DIPK1B: variants seen among roughly 807,000 people sequenced by gnomAD.
DIPK1B encodes the protein divergent protein kinase domain 1B, also known as family with sequence similarity 69 member B.
A neutral mutation model predicts 20.7 loss-of-function variants in DIPK1B; 17 were observed. The ratio of observed to expected loss-of-function variants is 0.82; its 90% CI spans 0.56 to 1.23. The LOEUF (loss-of-function observed/expected upper bound fraction) is 1.23, where lower values mean the gene tolerates loss of function less well. DIPK1B is among the 50% of genes most tolerant of loss of function. The probability of loss-of-function intolerance (pLI) is 0.00; values close to 1 mark genes in which losing one functional copy is unlikely to be tolerated. For missense variants in DIPK1B, 648 were observed against 601.8 expected, an observed-to-expected ratio of 1.08 and a Z score of -0.80; for synonymous variants, 343 against 276.5, an observed-to-expected ratio of 1.24 and a Z score of -2.39.
chr9:136,712,838 G>A lies in DIPK1B; in HGVS notation c.63+110G>A. ...CGGGGCCCCGGGTTCGGACACGAAG[G>A]GTTCATGAGCCCGGGGTGGGCAGCG... On this transcript the variant is annotated intron_variant, in intron 1 of 4. Coordinates refer to ENST00000371692, the MANE Select transcript of DIPK1B (RefSeq NM_152421.4). This position sits in a 1 kb window ranked among gnomAD's most constrained non-coding sequence, Gnocchi z 5.6. 2 of 654,736 alleles carry A rather than the reference G, an allele frequency of 3.1e-6. No homozygotes were observed. The highest frequency in any genetic ancestry group is 2.1e-6 in the Non-Finnish European group (1 of 477,634). The allele number at this position is 654,736 out of a possible 1,614,324, so 40.6% of individuals were successfully genotyped here. A position where few individuals can be genotyped will look rare whatever the true frequency, so the allele number is the denominator to read the frequency against.
chr9:136,721,926 C>T lies in DIPK1B; in HGVS notation c.204C>T (p.Asp68=), dbSNP rs1846607967. 1.2e-6 allele frequency: 2 copies of T among 1,613,132 alleles called. No individual in the cohort carries two copies. The highest frequency in any genetic ancestry group is 1.3e-5 in the African/African-American group (1 of 74,914). ...RGHVCQVVIC[D]QYRKGIISGS... ...GCCTGCACCTGTCTCCTCAGTGTGA[C>T]CAGTACCGCAAGGGGATCATCTCGG... The change falls in exon 3 of 5, where the codon GAC becomes GAT. Residue 68 remains aspartate, a synonymous_variant. Coordinates refer to ENST00000371692, the MANE Select transcript of DIPK1B (RefSeq NM_152421.4).
chr9:136,724,225 C>A lies in DIPK1B; in HGVS notation c.*451C>A, dbSNP rs1229645810. Among the ~76,000 whole-genome samples, 1 of 152,306 alleles carries A rather than the reference C, an allele frequency of 6.6e-6. No individual in the cohort carries two copies. The highest frequency in any genetic ancestry group is 1.9e-4 in the East Asian group (1 of 5,188). ...AGCTGCCTGCCCTTCAACCCACACA[C>A]ACCTCTGAAGCCGCCAGGGCAGTTC... is the stretch of plus-strand genomic sequence containing the variant. On this transcript the variant is annotated 3_prime_UTR_variant, in exon 5 of 5. Coordinates refer to ENST00000371692, the MANE Select transcript of DIPK1B (RefSeq NM_152421.4).
chr9:136,719,133 G>A (rs543053721), intron 2 of DIPK1B, among the ~76,000 whole-genome samples: 8 of 151,470 alleles, frequency 5.3e-5, no homozygotes, highest in East Asian at 3.9e-4. Context: ...CCGGACCTCC[G>A]GGCCGGGATG....
At chr9:136,714,276 G>A (rs973936997) in intron 1 of DIPK1B, among the ~76,000 whole-genome samples, 1 of 152,216 alleles carries the variant, frequency 6.6e-6, no homozygotes, top group Non-Finnish European at 1.5e-5. Flanking sequence ...GCAGTGAGCT[G>A]TGACTGGACC....
chr9:136,717,508 G>A, intron 1 of DIPK1B, 69 bp from the exon 2 acceptor site: 2 of 1,547,422 alleles, frequency 1.3e-6, no homozygotes, highest in Non-Finnish European at 1.7e-6. Flanking sequence ...CCTGTGGGAA[G>A]TGGGGTTGAG....
rs894904352 is a variant in DIPK1B, at chr9:136,712,595, G to GCGGGC, written c.-56_-52dup. On this transcript the variant is annotated 5_prime_UTR_variant, in exon 1 of 5. An upstream open reading frame in the 5' UTR loses its in-frame stop. Coordinates refer to ENST00000371692, the MANE Select transcript of DIPK1B (RefSeq NM_152421.4). The surrounding 1 kb of genome is among the most constrained non-coding windows in gnomAD (Gnocchi z 5.6). ...GCATGGCGAGGGAGCGGCGGCCGCTGCGGGCCGGGCCGGGCCGGGGCTGAG... is the reference window on the plus strand; with the variant it reads ...GCATGGCGAGGGAGCGGCGGCCGCTGCGGGCCGGGCCGGGCCGGGCCGGGGCTGAG... 80 of 733,646 alleles carry GCGGGC rather than the reference G, an allele frequency of 1.1e-4. No individual in the cohort carries two copies. The highest frequency in any genetic ancestry group is 1.1e-3 in the East Asian group (8 of 7,606). The allele number at this position is 733,646 out of a possible 1,614,324, so 45.4% of individuals were successfully genotyped here.
At chr9:136,715,708 T>A (rs1846487183) in intron 1 of DIPK1B, among the ~76,000 whole-genome samples, 1 of 151,434 alleles carries the variant, frequency 6.6e-6, no homozygotes, top group African/African-American at 2.4e-5. Context: ...GGGATGGCGT[T>A]CCTCCCTGTT....
At position 136,712,804 on chromosome 9, in the gene DIPK1B, A is replaced by G. The variant is rs1007256786; in HGVS notation, c.63+76A>G. On this transcript the variant is annotated intron_variant, in intron 1 of 4. Transcript: ENST00000371692. The surrounding 1 kb of genome is among the most constrained non-coding windows in gnomAD (Gnocchi z 5.6). ...CGAGCTCCAGCCCCGGAGTGGGCCG[A>G]GTACGGAGCGGGGCCCCGGGTTCGG... 5.5e-6 allele frequency: 6 copies of G among 1,093,988 alleles called. No homozygotes were observed. The highest frequency in any genetic ancestry group is 7.0e-6 in the Non-Finnish European group (6 of 859,424). 67.8% of individuals were successfully genotyped at this position (1,093,988 alleles called of 1,614,324 possible).
intron 2 of DIPK1B, chr9:136,721,034 G>A (rs1364795602): frequency 6.6e-6 from 1 of 152,316 alleles, no homozygotes; most frequent in Admixed American, 6.5e-5. Flanking sequence ...TGGGCATCAG[G>A]ATCTGTCGTG....
At position 136,723,215 on chromosome 9, in the gene DIPK1B, C is replaced by T. The variant is rs761653967; in HGVS notation, c.737C>T (p.Pro246Leu). 4.3e-6 allele frequency: 7 copies of T among 1,612,164 alleles called. No homozygotes were observed. The highest frequency in any genetic ancestry group is 2.7e-5 in the African/African-American group (2 of 74,934). The part of the protein sequence containing the change: ...HGAWHAAALP[P>L]LLRPLLPPAL... ...GCCTGGCACGCGGCCGCCCTTCCAC[C>T]CCTGTTGCGCCCACTGCTGCCGCCT... Residue 246 changes from proline (P) to leucine (L), a missense_variant, in exon 5 of 5, where the codon CCC (proline) becomes CTC (leucine). Pro to Leu is a moderately conservative substitution (Grantham distance 98). Coordinates refer to ENST00000371692, the MANE Select transcript of DIPK1B (RefSeq NM_152421.4).
chr9:136,722,631 G>A, intron 4 of DIPK1B: 1 of 563,348 alleles, frequency 1.8e-6, no homozygotes. Context: ...GCTTCAGCCA[G>A]TGCGTGCCCT....
At chr9:136,713,382 C>T (rs1006440362) in intron 1 of DIPK1B, among the ~76,000 whole-genome samples, 8 of 152,208 alleles carry the variant, frequency 5.3e-5, no homozygotes, top group Admixed American at 1.3e-4. Flanking sequence ...CTGCCGGAGG[C>T]GCCAGTCCTG....
chr9:136,721,814 C>T (rs759836130), intron 2 of DIPK1B, 107 bp from the exon 3 acceptor site: 4 of 960,116 alleles, frequency 4.2e-6, no homozygotes, highest in Non-Finnish European at 6.3e-6. Flanking sequence ...GGCAGCTTTC[C>T]AACTGCAGCA....
chr9:136,723,301 G>T lies in DIPK1B; in HGVS notation c.823G>T (p.Ala275Ser). ...GPAWPWRAKI[A>S]IGLLEFVEEL... ...TGCGTGGCCTTGGCGGGCCAAGATC[G>T]CCATCGGCCTGCTGGAGTTCGTGGA... The change falls in exon 5 of 5, where the codon GCC becomes TCC. Residue 275 changes from alanine to serine, a missense_variant. Physicochemically the swap from Ala to Ser is moderately conservative, Grantham distance 99. Transcript: ENST00000371692. 1 of 1,612,662 alleles carries T rather than the reference G, an allele frequency of 6.2e-7. No homozygotes were observed. Among genetic ancestry groups the T allele is most frequent in the Non-Finnish European group, 8.5e-7 (1 of 1,179,834 alleles).
In DIPK1B at chr9:136,722,205, G is replaced by C; in HGVS notation, c.387G>C (p.Ser129=). The stretch of plus-strand genomic sequence containing the variant: ...AGACCCTCGACTCCAAGGCCCGGTC[G>C]GATGCGGCCCCCCGGCGGGAGCTGG... The part of the protein sequence containing the change: ...IEETLDSKAR[S]DAAPRRELVL... The change falls in exon 4 of 5, where the codon TCG becomes TCC. Residue 129 remains serine, a synonymous_variant. Coordinates refer to ENST00000371692, the MANE Select transcript of DIPK1B (RefSeq NM_152421.4). 4 of 1,614,014 alleles carry C rather than the reference G, an allele frequency of 2.5e-6. No individual in the cohort carries two copies. The highest frequency in any genetic ancestry group is 1.1e-5 in the South Asian group (1 of 91,082).
chr9:136,717,580 C>G lies in DIPK1B; in HGVS notation c.67C>G (p.Arg23Gly), dbSNP rs145883735. 15 of 1,598,654 alleles carry G rather than the reference C, an allele frequency of 9.4e-6. No individual in the cohort carries two copies. Among genetic ancestry groups the G allele is most frequent in the African/African-American group, 1.3e-5 (1 of 74,914 alleles). The change falls in exon 2 of 5, where the codon CGG becomes GGG. Residue 23 changes from arginine (R) to glycine (G), a missense_variant. By Grantham distance (125) the Arg-to-Gly change is moderately radical. Coordinates refer to ENST00000371692, the MANE Select transcript of DIPK1B (RefSeq NM_152421.4). Reference sequence around the variant, plus strand: ...CACGCAGCCCCTTCCCCCACAGGGCCGGCTCCCAGGCCTCAGGGTCCGCTG... The same window carrying G: ...CACGCAGCCCCTTCCCCCACAGGGCGGGCTCCCAGGCCTCAGGGTCCGCTG... ...FCPFSKRLQG[R>G]LPGLRVRCIF... is the part of the protein sequence containing the mutation.
At chr9:136,715,147 G>T (rs545459061) in intron 1 of DIPK1B, among the ~76,000 whole-genome samples, 2 of 152,340 alleles carry the variant, frequency 1.3e-5, no homozygotes, top group East Asian at 3.9e-4. Flanking sequence ...AGTGCTTGGA[G>T]CCAGCAGTGG....
chr9:136,719,907 C>G (rs1846567912), intron 2 of DIPK1B, among the ~76,000 whole-genome samples: 1 of 136,856 alleles, frequency 7.3e-6, no homozygotes, highest in Non-Finnish European at 1.6e-5. Context: ...ATCTGGGGCT[C>G]CGAGTGCAGG....
intron 2 of DIPK1B, chr9:136,721,478 G>A (rs533860075): frequency 2.6e-4 from 48 of 182,612 alleles, no homozygotes; most frequent in African/African-American, 1.0e-3. Context: ...GAGAGCGCGC[G>A]TGTGGCAGCT....
Sources: allele counts gnomAD v4.1 joint callset (sites outside exome capture counted in the v4.1 genomes callset), GRCh38; gene constraint gnomAD v4.1.1; non-coding constraint Gnocchi (gnomAD v3.1); transcripts MANE v1.5; gene names NCBI Gene and HGNC (gene_info 2026-07-23, HGNC 2026-07-21).